FLII: variants seen among roughly 807,000 people sequenced by gnomAD.
The protein encoded by FLII is FLII actin remodeling protein.
A neutral mutation model predicts 156.2 loss-of-function variants in FLII; 101 were observed. That is an observed-to-expected ratio of 0.65 (90% CI 0.55 to 0.76). FLII has a LOEUF of 0.76. Ranked by LOEUF, FLII falls within the 30% of genes least tolerant of loss-of-function variation. The pLI is 0.00. For synonymous variants in FLII, 767 were observed against 685.8 expected (o/e 1.12, Z -1.85); for missense variants, 1,675 against 1,682.8 (o/e 1.00, Z 0.08).
At chr17:18,252,201 A>T in intron 10 of FLII, 55 bp from the exon 11 acceptor site, 1 of 1,504,886 alleles carries the variant, frequency 6.6e-7, no homozygotes. Flanking sequence ...CCTCCCAGAC[A>T]CACCAATCCA....
In FLII at chr17:18,251,664, C is replaced by T. The variant is rs1256845018; in HGVS notation, c.1383+16G>A. On this transcript the variant is annotated intron_variant, in intron 12 of 29. Transcript: ENST00000327031. Reference sequence around the variant, plus strand: ...GCTAAGGCTCCCTGCCTTGTCCCAACCCTGGCCTGGCTCACCTCCTGCTTT... The same window carrying T: ...GCTAAGGCTCCCTGCCTTGTCCCAATCCTGGCCTGGCTCACCTCCTGCTTT... 2.5e-6 allele frequency: 4 copies of T among 1,613,756 alleles called. No homozygotes were observed. Among genetic ancestry groups the T allele is most frequent in the African/African-American group, 1.3e-5 (1 of 74,942 alleles).
intron 6 of FLII, 95 bp from the exon 7 acceptor site, chr17:18,254,277 A>C (rs1396860882): frequency 1.9e-5 from 20 of 1,028,660 alleles, no homozygotes; most frequent in Non-Finnish European, 2.7e-5. Context: ...CAGGGCCCAG[A>C]GGGTAGGTGT....
intron 12 of FLII, 41 bp from the exon 13 acceptor site, chr17:18,251,518 C>T: frequency 6.4e-7 from 1 of 1,574,010 alleles, no homozygotes; most frequent in Non-Finnish European, 8.6e-7. Flanking sequence ...CTCTGTGAAG[C>T]CACTCAGGCC....
intron 6 of FLII, 132 bp downstream of exon 6, chr17:18,254,389 A>G (rs1445953580): frequency 9.5e-6 from 9 of 947,358 alleles, no homozygotes; most frequent in Non-Finnish European, 1.4e-5. Flanking sequence ...GAGGTTGTAC[A>G]CTGAGGGGTG....
At chr17:18,256,858 C>T (rs550338417) in intron 2 of FLII, 51 bp downstream of exon 2, 9 of 1,245,838 alleles carry the variant, frequency 7.2e-6, no homozygotes, top group Non-Finnish European at 1.0e-5. Context: ...CAGGCTCTGC[C>T]CACCTGGCTC....
At position 18,254,131 on chromosome 17, in the gene FLII, C is replaced by G; in HGVS notation, c.627G>C (p.Gln209His). Residue 209 changes from glutamine to histidine, a missense_variant, in exon 7 of 30, where the codon CAG becomes CAC. Gln to His is a conservative substitution (Grantham distance 24). Coordinates refer to ENST00000327031, the MANE Select transcript of FLII (RefSeq NM_002018.4). ...TGGTGGGCAGGTTGCTCTGGGTGCG[C>G]TGGGTGCTCCGCAGGTGCAGGGTCT... ...ALQTLHLRST[Q>H]RTQSNLPTSL... is the part of the protein sequence containing the mutation. 3 of 1,611,792 alleles carry G rather than the reference C, an allele frequency of 1.9e-6. No individual in the cohort carries two copies. The highest frequency in any genetic ancestry group is 2.5e-6 in the Non-Finnish European group (3 of 1,179,008).
At chr17:18,257,345 A>T in intron 1 of FLII, 1 of 305,980 alleles carries the variant, frequency 3.3e-6, no homozygotes, top group Non-Finnish European at 6.1e-6. Flanking sequence ...TTCACCTAGC[A>T]TTCCACACTC....
rs138059393 is a variant in FLII at position 18,249,353 on chromosome 17, G to A, written c.1832C>T (p.Thr611Ile). 1.1e-3 allele frequency: 1,830 copies of A among 1,614,014 alleles called. 12 individuals carry two copies. Among genetic ancestry groups the A allele is most frequent in the South Asian group, 1.1e-3 (97 of 91,078 alleles). The change falls in exon 15 of 30, where the codon ACT (threonine) becomes ATT (isoleucine). Residue 611 changes from threonine to isoleucine, a missense_variant. Transcript: ENST00000327031. ...IEGGTASGFYTVEDTHYVTRM... is the reference protein window; with the variant it reads ...IEGGTASGFYIVEDTHYVTRM... ...GGTGACATAGTGTGTGTCTTCCACA[G>A]TGTAGAAGCCACTGGCTGTTCCACC...
rs765181810 is a variant in FLII at position 18,245,274 on chromosome 17, T to C, written c.3676-2A>G. Reference sequence around the variant, plus strand: ...GGACCGCATGTGCTGGATATATACCTGGCAAGGGGACAGCGAGCCTTGGGT... The same window carrying C: ...GGACCGCATGTGCTGGATATATACCCGGCAAGGGGACAGCGAGCCTTGGGT... On this transcript the variant is annotated splice_acceptor_variant, in intron 29 of 29. Transcript: ENST00000327031. LOFTEE classifies it high-confidence loss of function. 2 of 1,612,500 alleles carry C rather than the reference T, an allele frequency of 1.2e-6. No homozygotes were observed. The highest frequency in any genetic ancestry group is 2.2e-5 in the South Asian group (2 of 91,044).
intron 1 of FLII, among the ~76,000 whole-genome samples, chr17:18,257,788 C>T (rs2856288): frequency 7.2e-5 from 11 of 152,338 alleles, no homozygotes; most frequent in African/African-American, 2.4e-4. Flanking sequence ...GAAAAACCTG[C>T]CTCCTCGGCC....
chr17:18,251,615 G>A, intron 12 of FLII, 65 bp downstream of exon 12: 1 of 1,607,592 alleles, frequency 6.2e-7, no homozygotes. Context: ...CCAGGGTCAA[G>A]GCCAGGGTCG....
chr17:18,252,484 C>G lies in FLII; in HGVS notation c.1086G>C (p.Leu362=). Reference sequence around the variant, plus strand: ...CAGCATGCCTGACCTCGATCTCCGTCAGGAAATGGATGGCTTCTGGGAGGG... The same window carrying G: ...CAGCATGCCTGACCTCGATCTCCGTGAGGAAATGGATGGCTTCTGGGAGGG... ...LVTLPEAIHF[L]TEIEVLDVRE... The change falls in exon 10 of 30, where the codon CTG becomes CTC. Residue 362 remains leucine (L), a synonymous_variant. Transcript: ENST00000327031. 6.2e-7 allele frequency: 1 copy of G among 1,613,724 alleles called. No homozygotes were observed. Among genetic ancestry groups the G allele is most frequent in the Non-Finnish European group, 8.5e-7 (1 of 1,179,970 alleles).
chr17:18,247,078 C>A, intron 21 of FLII, 26 bp from the exon 22 acceptor site: 1 of 1,606,480 alleles, frequency 6.2e-7, no homozygotes, highest in Non-Finnish European at 8.5e-7. Flanking sequence ...ACCCGCCCCG[C>A]GGCAGGTCTG....
rs1481304397 is a variant in FLII at position 18,244,839 on chromosome 17, T to TTAA, written c.*296_*298dup. The TTAA allele has an allele frequency of 7.5e-6, 3 of 397,430 alleles. No individual in the cohort carries two copies. Among genetic ancestry groups the TTAA allele is most frequent in the Admixed American group, 4.4e-5 (1 of 22,902 alleles). 24.6% of individuals were successfully genotyped at this position (397,430 alleles called of 1,614,324 possible). The stretch of plus-strand genomic sequence containing the variant: ...ATTTTAATATTAAAAATACTGATTT[T>TTAA]TAATATTGAAAATAAAAGCATTTAA... On this transcript the variant is annotated 3_prime_UTR_variant, in exon 30 of 30. Coordinates refer to ENST00000327031, the MANE Select transcript of FLII (RefSeq NM_002018.4).
At position 18,256,517 on chromosome 17, in the gene FLII, A is replaced by C; in HGVS notation, c.246+9T>G. 6.4e-7 allele frequency: 1 copy of C among 1,550,966 alleles called. No homozygotes were observed. Among genetic ancestry groups the C allele is most frequent in the Non-Finnish European group, 8.7e-7 (1 of 1,146,540 alleles). On this transcript the variant is annotated intron_variant, in intron 3 of 29. Coordinates refer to ENST00000327031, the MANE Select transcript of FLII (RefSeq NM_002018.4). ...CCCCAAGCTCGGTGGCCTCCCGGCC[A>C]GCACTCACGCGCAGCGATGGCAGGC...
chr17:18,247,303 G>A lies in FLII; in HGVS notation c.2542C>T (p.Arg848Cys), dbSNP rs199741407. The A allele has an allele frequency of 8.8e-5, 141 of 1,611,298 alleles. No homozygotes were observed. Among genetic ancestry groups the A allele is most frequent in the Non-Finnish European group, 1.1e-4 (125 of 1,179,214 alleles). Residue 848 changes from arginine to cysteine, a missense_variant, in exon 21 of 30, where the codon CGC becomes TGC. Physicochemically the swap from Arg to Cys is radical, Grantham distance 180. Coordinates refer to ENST00000327031, the MANE Select transcript of FLII (RefSeq NM_002018.4). ...WDDVLTVDYT[R>C]NAEAVLQSPG... ...CTCTGCAGCACGGCCTCCGCATTGC[G>A]TGTGTAGTCCACCGTCAACACATCG...
Position 18,253,585 on chromosome 17 carries a change from C to T in FLII, c.814G>A (p.Glu272Lys), listed in dbSNP as rs1420951242. The T allele has an allele frequency of 1.2e-6, 2 of 1,614,022 alleles. No individual in the cohort carries two copies. Among genetic ancestry groups the T allele is most frequent in the East Asian group, 2.2e-5 (1 of 44,880 alleles). ...TGATTTCGGGACAGGTTCAGAGTTT[C>T]CACGTGCACCCACTGGTCTATGCAC... ...SLCIDQWVHV[E>K]TLNLSRNQLT... is the part of the protein sequence containing the mutation. The change falls in exon 8 of 30, where the codon GAA becomes AAA. Residue 272 changes from glutamate to lysine, a missense_variant. By Grantham distance (56) the Glu-to-Lys change is moderately conservative. Coordinates refer to ENST00000327031, the MANE Select transcript of FLII (RefSeq NM_002018.4).
chr17:18,253,513 C>T (rs781204946), intron 8 of FLII, 31 bp downstream of exon 8: 2 of 1,613,256 alleles, frequency 1.2e-6, no homozygotes, highest in South Asian at 1.1e-5. Flanking sequence ...CGGCCTTCCT[C>T]CCATCCCCCT....
Position 18,248,545 on chromosome 17 carries a change from C to T in FLII, c.2190+5G>A. 6 of 1,599,408 alleles carry T rather than the reference C, an allele frequency of 3.8e-6. No individual in the cohort carries two copies. Among genetic ancestry groups the T allele is most frequent in the Non-Finnish European group, 5.1e-6 (6 of 1,171,356 alleles). On this transcript the variant is annotated splice_donor_5th_base_variant and intron_variant, in intron 18 of 29. Coordinates refer to ENST00000327031, the MANE Select transcript of FLII (RefSeq NM_002018.4). The stretch of plus-strand genomic sequence containing the variant: ...GCCAAGGTGGGCCTCAGCAGCAGGG[C>T]TCACCTTGTACAGCTTGGGCTGCGG...
Sources: allele counts gnomAD v4.1 joint callset (sites outside exome capture counted in the v4.1 genomes callset), GRCh38; gene constraint gnomAD v4.1.1; transcripts MANE v1.5; gene names NCBI Gene and HGNC (gene_info 2026-07-23, HGNC 2026-07-21).